Variants in DNER observed in about 807,000 individuals in gnomAD.
DNER encodes the protein delta/notch like EGF repeat containing, also known as delta and Notch-like epidermal growth factor-related receptor.
Under a neutral mutation model 78.2 loss-of-function variants are expected in DNER, and 33 were observed. The observed-to-expected ratio is 0.42, with a 90% confidence interval of 0.32 to 0.56. DNER has a LOEUF of 0.56. Ranked by LOEUF, DNER falls within the 20% of genes least tolerant of loss-of-function variation. The pLI is 0.11. For synonymous variants in DNER, 417 were observed against 384.8 expected (o/e 1.08, Z -0.98); for missense variants, 918 against 975.3 (o/e 0.94, Z 0.78).
chr2:229,576,784 A>G (rs1212915851), intron 4 of DNER, among the ~76,000 whole-genome samples: 1 of 152,020 alleles, frequency 6.6e-6, no homozygotes, highest in African/African-American at 2.4e-5. Flanking sequence ...CAGAGTGGAG[A>G]GAAATGACGC....
intron 10 of DNER, among the ~76,000 whole-genome samples, chr2:229,404,424 ACTC>A (rs1559342592): frequency 1.3e-5 from 2 of 149,948 alleles, no homozygotes; most frequent in Non-Finnish European, 3.0e-5. Flanking sequence ...TCTCATGAGT[ACTC>A]ACTCACTATC....
intron 11 of DNER, among the ~76,000 whole-genome samples, chr2:229,386,491 A>G (rs1692868894): frequency 6.6e-6 from 1 of 152,202 alleles, no homozygotes; most frequent in South Asian, 2.1e-4. Context: ...TAAACTAAGG[A>G]GCTTCTGGAC....
At chr2:229,465,695 T>C (rs60983476) in intron 7 of DNER, among the ~76,000 whole-genome samples, 11,423 of 152,136 alleles carry the variant, frequency 0.075, 1,273 homozygotes, top group African/African-American at 0.24. Flanking sequence ...ATCTTAAAAT[T>C]CAAAAAGCAA....
chr2:229,546,337 T>C (rs34654119), intron 5 of DNER, among the ~76,000 whole-genome samples: 1,939 of 152,312 alleles, frequency 0.013, 18 homozygotes, highest in South Asian at 0.018. Flanking sequence ...CCAACCACCA[T>C]TCAGTTTTAA....
At chr2:229,551,817 A>T (rs541075065) in intron 4 of DNER, among the ~76,000 whole-genome samples, 3 of 152,216 alleles carry the variant, frequency 2.0e-5, no homozygotes, top group Non-Finnish European at 2.9e-5. Context: ...CTGTAATCCC[A>T]GCTACTCGGG....
intron 5 of DNER, among the ~76,000 whole-genome samples, chr2:229,539,585 A>G (rs1450194881): frequency 6.6e-6 from 1 of 152,234 alleles, no homozygotes; most frequent in Non-Finnish European, 1.5e-5. Context: ...TCGAACTTAA[A>G]GTACAGATCT....
intron 4 of DNER, among the ~76,000 whole-genome samples, chr2:229,568,416 A>C (rs1474354833): frequency 1.3e-5 from 2 of 152,150 alleles, no homozygotes; most frequent in African/African-American, 4.8e-5. Context: ...GCAGCATAGG[A>C]GAGAGACCTG....
chr2:229,436,061 A>G (rs1008580260), intron 8 of DNER, among the ~76,000 whole-genome samples: 8 of 152,164 alleles, frequency 5.3e-5, no homozygotes, highest in African/African-American at 1.7e-4. Context: ...CACCCAGGTA[A>G]TAAGTATAGT....
intron 6 of DNER, among the ~76,000 whole-genome samples, chr2:229,482,385 C>T (rs1325449997): frequency 6.6e-6 from 1 of 152,154 alleles, no homozygotes; most frequent in Non-Finnish European, 1.5e-5. Context: ...TCCTATTACT[C>T]CTTACTTAAA....
chr2:229,430,286 GTGATGGTTAATACTGATTAAC>G (rs1007764363), intron 8 of DNER, among the ~76,000 whole-genome samples: 1 of 152,134 alleles, frequency 6.6e-6, no homozygotes, highest in Non-Finnish European at 1.5e-5. Context: ...CATCCATGCT[GTGATGGTTAATACTGATTAAC>G]TGATGGTTAA....
intron 1 of DNER, among the ~76,000 whole-genome samples, chr2:229,705,262 A>G (rs887547609): frequency 1.3e-5 from 2 of 152,244 alleles, no homozygotes; most frequent in Non-Finnish European, 2.9e-5. Context: ...GCTCCTTTAT[A>G]TTAACTACAA....
chr2:229,374,290 T>C (rs976561961), intron 11 of DNER, among the ~76,000 whole-genome samples: 2 of 152,136 alleles, frequency 1.3e-5, no homozygotes, highest in South Asian at 2.1e-4. Context: ...ATGGGGACTA[T>C]AGTCAGTACC....
intron 7 of DNER, among the ~76,000 whole-genome samples, chr2:229,466,591 T>C (rs1181895049): frequency 1.3e-5 from 2 of 152,128 alleles, no homozygotes; most frequent in Non-Finnish European, 2.9e-5. Context: ...CACTATTCCA[T>C]AAGACCCATG....
At chr2:229,601,840 T>C (rs1300416392) in intron 1 of DNER, among the ~76,000 whole-genome samples, 1 of 152,190 alleles carries the variant, frequency 6.6e-6, no homozygotes, top group Non-Finnish European at 1.5e-5. Flanking sequence ...GATGAATCTA[T>C]AAGCCCTGCT....
At chr2:229,379,607 A>G (rs1355075947) in intron 11 of DNER, among the ~76,000 whole-genome samples, 1 of 152,162 alleles carries the variant, frequency 6.6e-6, no homozygotes, top group Non-Finnish European at 1.5e-5. Flanking sequence ...TATCTTCATG[A>G]ATCCCATTTT....
At chr2:229,646,537 C>A (rs1698722140) in intron 1 of DNER, among the ~76,000 whole-genome samples, 2 of 152,218 alleles carry the variant, frequency 1.3e-5, no homozygotes, top group Non-Finnish European at 2.9e-5. Flanking sequence ...AAGGCTTGAG[C>A]CAGCCATCTC....
chr2:229,622,746 C>CAG (rs1199497477), intron 1 of DNER, among the ~76,000 whole-genome samples: 1 of 152,062 alleles, frequency 6.6e-6, no homozygotes, highest in East Asian at 1.9e-4. Flanking sequence ...GAAGAAGAGA[C>CAG]AGAGACACAG....
chr2:229,554,413 C>G (rs1696808646), intron 4 of DNER, among the ~76,000 whole-genome samples: 1 of 152,142 alleles, frequency 6.6e-6, no homozygotes, highest in Non-Finnish European at 1.5e-5. Context: ...TTACAATGGC[C>G]AGGCATGATG....
chr2:229,372,753 C>T (rs1048444338), intron 11 of DNER, among the ~76,000 whole-genome samples: 18 of 152,118 alleles, frequency 1.2e-4, no homozygotes, highest in Admixed American at 5.9e-4. Flanking sequence ...TCCTGTAGGA[C>T]GGGGCAGGGT....
Sources: allele counts gnomAD v4.1 joint callset (sites outside exome capture counted in the v4.1 genomes callset), GRCh38; gene constraint gnomAD v4.1.1; transcripts MANE v1.5; gene names NCBI Gene and HGNC (gene_info 2026-07-23, HGNC 2026-07-21).